Variants in CNTNAP4 observed in about 807,000 individuals in gnomAD.
CNTNAP4 encodes contactin-associated protein-like 4.
In CNTNAP4, 98 loss-of-function variants were observed where a neutral mutation model predicts 148.4. That is an observed-to-expected ratio of 0.66 (90% confidence interval 0.56 to 0.78). The LOEUF (loss-of-function observed/expected upper bound fraction) is 0.78. CNTNAP4 is among the 30% of genes least tolerant of loss of function. The pLI is 0.00. For synonymous variants in CNTNAP4, 730 were observed against 565.1 expected, an observed-to-expected ratio of 1.29 and a Z score of -4.14; for missense variants, 1,935 against 1,565.6, an observed-to-expected ratio of 1.24 and a Z score of -3.98.
chr16:76,372,734 ACC>A (rs2014984790), intron 3 of CNTNAP4, among the ~76,000 whole-genome samples: 1 of 152,112 alleles, frequency 6.6e-6, no homozygotes, highest in African/African-American at 2.4e-5. Context: ...TTTATAAATT[ACC>A]CAGTCTTGGA....
At chr16:76,357,950 C>T (rs1033439376) in intron 3 of CNTNAP4, among the ~76,000 whole-genome samples, 1 of 152,096 alleles carries the variant, frequency 6.6e-6, no homozygotes, top group South Asian at 2.1e-4. Flanking sequence ...GGTGAAAGGA[C>T]CAATAAATGA....
chr16:76,474,933 A>G (rs1339210367), intron 10 of CNTNAP4, among the ~76,000 whole-genome samples: 1 of 152,214 alleles, frequency 6.6e-6, no homozygotes, highest in Non-Finnish European at 1.5e-5. Context: ...TTAATTAAAC[A>G]CAGTTACTTA....
At chr16:76,331,471 A>G (rs1963519636) in intron 2 of CNTNAP4, among the ~76,000 whole-genome samples, 1 of 149,216 alleles carries the variant, frequency 6.7e-6, no homozygotes, top group South Asian at 2.1e-4. Flanking sequence ...TACAGGCGTG[A>G]GCTACCACGG....
At chr16:76,294,333 C>T (rs763875204) in intron 1 of CNTNAP4, among the ~76,000 whole-genome samples, 11 of 152,146 alleles carry the variant, frequency 7.2e-5, no homozygotes, top group Non-Finnish European at 1.3e-4. Flanking sequence ...TGTTTCCTCT[C>T]ATTTCTCTTA....
At chr16:76,317,306 CAA>C (rs34684365) in intron 2 of CNTNAP4, among the ~76,000 whole-genome samples, 11 of 82,180 alleles carry the variant, frequency 1.3e-4, no homozygotes, top group African/African-American at 3.3e-4. Context: ...AAAAACCCCC[CAA>C]AAAAAAAAAC....
In CNTNAP4 at chr16:76,528,508, AC is replaced by A. The variant is rs527408812; in HGVS notation, c.2755+6254del. ...TTGAACTCCTGGGTTCAAAAGATCC[AC>A]CCGCCTTGGCCTCCCAAAATGCTGG... On this transcript the variant is annotated intron_variant, in intron 17 of 23. Transcript: ENST00000611870. 1.1e-4 allele frequency among the ~76,000 whole-genome samples: 16 copies of A among 152,146 alleles called. No homozygotes were observed. The East Asian group carries it at 2.5e-3, about 24-fold the overall frequency.
chr16:76,373,327 T>C, intron 3 of CNTNAP4, among the ~76,000 whole-genome samples: 1 of 152,074 alleles, frequency 6.6e-6, no homozygotes, highest in Non-Finnish European at 1.5e-5. Flanking sequence ...TGGAGTATAT[T>C]TCACAAAAAT....
rs2085380812 is a variant in CNTNAP4, at chr16:76,560,687, TG to T, written c.*2005del. Among the ~76,000 whole-genome samples the T allele has an allele frequency of 6.6e-6, 1 of 152,210 alleles. No individual in the cohort carries two copies. The highest frequency in any genetic ancestry group is 1.5e-5 in the Non-Finnish European group (1 of 68,034). ...CATGGAAATGCATTGACACATCCTA[TG>T]CCATGACTTTAATTTCCTGATTTGT... On this transcript the variant is annotated 3_prime_UTR_variant, in exon 24 of 24. Transcript: ENST00000611870.
chr16:76,491,257 T>C (rs1475404339), intron 13 of CNTNAP4, among the ~76,000 whole-genome samples: 1 of 152,210 alleles, frequency 6.6e-6, no homozygotes. Context: ...CAATTCTGTG[T>C]GCAAATGAGG....
intron 1 of CNTNAP4, among the ~76,000 whole-genome samples, chr16:76,315,872 G>C (rs530503272): frequency 6.6e-6 from 1 of 152,134 alleles, no homozygotes; most frequent in African/African-American, 2.4e-5. Flanking sequence ...TGGGACCACA[G>C]GTGTGAGCCA....
intron 8 of CNTNAP4, among the ~76,000 whole-genome samples, chr16:76,460,954 A>G (rs1004626092): frequency 6.6e-6 from 1 of 151,224 alleles, no homozygotes; most frequent in African/African-American, 2.4e-5. Flanking sequence ...ACATTTTCTC[A>G]ATCAGTCAAT....
In CNTNAP4 at chr16:76,353,897, G is replaced by A. The variant is rs554605957; in HGVS notation, c.197-1421G>A. Reference sequence around the variant, plus strand: ...GCCTTCAGGTCCTACAATGGCATACGCCCTACCATAACAGCAAACATTTAT... The same window carrying A: ...GCCTTCAGGTCCTACAATGGCATACACCCTACCATAACAGCAAACATTTAT... On this transcript the variant is annotated intron_variant, in intron 2 of 23. Transcript: ENST00000611870. 9.9e-5 allele frequency among the ~76,000 whole-genome samples: 15 copies of A among 152,244 alleles called. No individual in the cohort carries two copies. The South Asian group carries it at 1.4e-3, about 15-fold the overall frequency.
At chr16:76,477,169 C>T (rs1020606410) in intron 11 of CNTNAP4, among the ~76,000 whole-genome samples, 5 of 152,006 alleles carry the variant, frequency 3.3e-5, no homozygotes, top group African/African-American at 1.2e-4. Flanking sequence ...TCTTCTAGAG[C>T]CTGGGATAAC....
intron 3 of CNTNAP4, among the ~76,000 whole-genome samples, chr16:76,404,617 TAA>T (rs1379470924): frequency 2.0e-5 from 3 of 152,184 alleles, no homozygotes; most frequent in Non-Finnish European, 4.4e-5. Context: ...AAATTGCTCT[TAA>T]GTTTCTTAAT....
chr16:76,362,043 G>T (rs1022441158), intron 3 of CNTNAP4, among the ~76,000 whole-genome samples: 2 of 152,034 alleles, frequency 1.3e-5, no homozygotes, highest in African/African-American at 4.8e-5. Flanking sequence ...ATGCTATTGA[G>T]TTGGGGAAGT....
At chr16:76,503,896 A>G (rs942651447) in intron 15 of CNTNAP4, among the ~76,000 whole-genome samples, 3 of 152,168 alleles carry the variant, frequency 2.0e-5, no homozygotes, top group African/African-American at 7.2e-5. Flanking sequence ...CCATTTTTAT[A>G]CTAGCACCAA....
intron 1 of CNTNAP4, among the ~76,000 whole-genome samples, chr16:76,306,129 A>G (rs987316871): frequency 3.3e-5 from 5 of 152,192 alleles, no homozygotes; most frequent in African/African-American, 7.2e-5. Context: ...ATATGAATGT[A>G]TGTGTCTTTT....
At chr16:76,386,662 T>A (rs2016540401) in intron 3 of CNTNAP4, among the ~76,000 whole-genome samples, 1 of 152,184 alleles carries the variant, frequency 6.6e-6, no homozygotes, top group Admixed American at 6.5e-5. Flanking sequence ...ATCAGTAATA[T>A]ATATCCCACC....
At chr16:76,470,543 G>A (rs575601873) in intron 10 of CNTNAP4, among the ~76,000 whole-genome samples, 59 of 144,860 alleles carry the variant, frequency 4.1e-4, no homozygotes, top group African/African-American at 1.4e-3. Flanking sequence ...CCAGCTTCTC[G>A]GGAGGCTGAG....
Sources: gnomAD v4.1 joint callset for allele counts (sites outside exome capture counted in the v4.1 genomes callset) on GRCh38, gnomAD v4.1.1 for gene constraint, MANE v1.5 for transcripts, NCBI Gene and HGNC (gene_info 2026-07-23, HGNC 2026-07-21) for gene names.